Variants in CXCL13 observed in about 807,000 individuals in gnomAD.
CXCL13 encodes C-X-C motif chemokine ligand 13, also known as C-X-C motif chemokine 13.
Under a neutral mutation model 12.2 loss-of-function variants are expected in CXCL13, and 7 were observed. The ratio of observed to expected loss-of-function variants is 0.57; its 90% CI spans 0.33 to 1.07. The LOEUF is 1.07. Among genes scored for constraint, CXCL13 ranks in the 50% least tolerant of loss-of-function variants. The probability of loss-of-function intolerance (pLI) is 0.04; values close to 1 mark genes in which losing one functional copy is unlikely to be tolerated. For missense variants in CXCL13, 113 were observed against 127.4 expected (o/e 0.89, Z 0.55); for synonymous variants, 47 against 42.4 (o/e 1.11, Z -0.42).
At chr4:77,584,962 A>G (rs1028307978) in intron 1 of CXCL13, among the ~76,000 whole-genome samples, 7 of 152,198 alleles carry the variant, frequency 4.6e-5, no homozygotes, top group African/African-American at 1.7e-4. Context: ...TCTAGAGCCC[A>G]ATATATGCTC....
At chr4:77,514,354 A>G (rs1724355029) in intron 1 of CXCL13, among the ~76,000 whole-genome samples, 12 of 145,314 alleles carry the variant, frequency 8.3e-5, no homozygotes, top group Admixed American at 2.8e-4. Context: ...TGGTATTTCT[A>G]GTTCTAGATC....
chr4:77,596,610 C>A (rs1047472966), intron 1 of CXCL13, among the ~76,000 whole-genome samples: 5 of 151,770 alleles, frequency 3.3e-5, no homozygotes, highest in Non-Finnish European at 1.5e-5. Flanking sequence ...CATGGTGAAA[C>A]CCCATCTCTA....
chr4:77,569,540 A>G (rs1726014573), intron 1 of CXCL13, among the ~76,000 whole-genome samples: 1 of 152,130 alleles, frequency 6.6e-6, no homozygotes, highest in Non-Finnish European at 1.5e-5. Flanking sequence ...CATACTACAC[A>G]CACAGTACCT....
At chr4:77,574,392 G>T (rs563250610) in intron 1 of CXCL13, among the ~76,000 whole-genome samples, 1 of 151,752 alleles carries the variant, frequency 6.6e-6, no homozygotes, top group Non-Finnish European at 1.5e-5. Flanking sequence ...CAAAATCTAC[G>T]GCCGTCCTAT....
At chr4:77,589,581 G>A (rs1189237180) in intron 1 of CXCL13, among the ~76,000 whole-genome samples, 1 of 151,998 alleles carries the variant, frequency 6.6e-6, no homozygotes, top group Non-Finnish European at 1.5e-5. Context: ...GTACATATAG[G>A]GTTCTGTATT....
At chr4:77,564,072 T>A (rs1725872591) in intron 1 of CXCL13, among the ~76,000 whole-genome samples, 1 of 152,256 alleles carries the variant, frequency 6.6e-6, no homozygotes, top group Non-Finnish European at 1.5e-5. Context: ...CCCACATTTT[T>A]ATTTTGCACC....
chr4:77,516,146 C>A (rs1412055093), intron 1 of CXCL13, among the ~76,000 whole-genome samples: 4 of 152,166 alleles, frequency 2.6e-5, no homozygotes, highest in African/African-American at 4.8e-5. Context: ...ACTTGCATCC[C>A]AGAGATGAAG....
At chr4:77,574,075 G>A (rs927964147) in intron 1 of CXCL13, among the ~76,000 whole-genome samples, 3 of 151,948 alleles carry the variant, frequency 2.0e-5, no homozygotes, top group African/African-American at 7.3e-5. Context: ...CTGGTAATTA[G>A]AGATATAAAA....
upstream of CXCL13, among the ~76,000 whole-genome samples, chr4:77,604,364 G>A (rs545480095): frequency 6.6e-6 from 1 of 152,204 alleles, no homozygotes; most frequent in South Asian, 2.1e-4. Context: ...TCTATCGCAG[G>A]AGTTGTTCTG....
At chr4:77,517,582 G>C (rs1321408541) in intron 1 of CXCL13, among the ~76,000 whole-genome samples, 1 of 152,102 alleles carries the variant, frequency 6.6e-6, no homozygotes, top group African/African-American at 2.4e-5. Context: ...TGTCTCTTTT[G>C]ATCTTTGTTG....
chr4:77,564,256 G>A (rs1306901644), intron 1 of CXCL13, among the ~76,000 whole-genome samples: 1 of 152,148 alleles, frequency 6.6e-6, no homozygotes, highest in Non-Finnish European at 1.5e-5. Flanking sequence ...GAAACTTCTG[G>A]CAGTTATGAA....
intron 1 of CXCL13, among the ~76,000 whole-genome samples, chr4:77,531,466 C>T (rs1223336309): frequency 4.0e-5 from 6 of 151,796 alleles, no homozygotes; most frequent in Admixed American, 3.9e-4. Context: ...TTACTTCCAA[C>T]TATATGCTCA....
At chr4:77,596,898 G>A (rs537609420) in intron 1 of CXCL13, among the ~76,000 whole-genome samples, 1 of 152,130 alleles carries the variant, frequency 6.6e-6, no homozygotes, top group Non-Finnish European at 1.5e-5. Flanking sequence ...GCCAAGACGT[G>A]GGAATGACCT....
chr4:77,518,912 T>A (rs1251399885), intron 1 of CXCL13, among the ~76,000 whole-genome samples: 2 of 152,160 alleles, frequency 1.3e-5, no homozygotes, highest in Admixed American at 6.5e-5. Flanking sequence ...TTTTTCCCCA[T>A]CTTTGTGGTT....
rs1726067974 is a variant in CXCL13 at position 77,571,123 on chromosome 4, C to G, written c.-42-34701C>G. Among the ~76,000 whole-genome samples, 8 of 152,152 alleles carry G rather than the reference C, an allele frequency of 5.3e-5. No homozygotes were observed. The South Asian group carries it at 1.7e-3, about 32-fold the overall frequency. On this transcript the variant is annotated intron_variant, in intron 1 of 4. Coordinates refer to the CXCL13 transcript ENST00000286758. ...GATCCACTGGGTGAAGCCAGCTGGGCTCCTGAGTCTGGTGGGGATGCGGAG... is the reference window on the plus strand; with the variant it reads ...GATCCACTGGGTGAAGCCAGCTGGGGTCCTGAGTCTGGTGGGGATGCGGAG...
intron 1 of CXCL13, among the ~76,000 whole-genome samples, chr4:77,538,346 T>A (rs554510138): frequency 4.1e-4 from 63 of 152,102 alleles, no homozygotes; most frequent in South Asian, 3.7e-3. Context: ...GTTTTTTTTT[T>A]AATCAGTGAA....
chr4:77,553,900 A>G (rs1297333403), intron 1 of CXCL13, among the ~76,000 whole-genome samples: 2 of 152,194 alleles, frequency 1.3e-5, no homozygotes, highest in Non-Finnish European at 2.9e-5. Flanking sequence ...ACTATAGTTA[A>G]TAGCGTATTG....
intron 1 of CXCL13, among the ~76,000 whole-genome samples, chr4:77,598,376 A>G (rs1726813258): frequency 6.6e-6 from 1 of 152,190 alleles, no homozygotes; most frequent in Admixed American, 6.5e-5. Flanking sequence ...GCCATGAAAG[A>G]TAACCATTCC....
intron 1 of CXCL13, among the ~76,000 whole-genome samples, chr4:77,571,352 A>G (rs1726074898): frequency 6.6e-6 from 1 of 151,472 alleles, no homozygotes; most frequent in South Asian, 2.1e-4. Flanking sequence ...ACCAATCGAC[A>G]CTCTGTATCT....
Sources: gnomAD v4.1 joint callset for allele counts (sites outside exome capture counted in the v4.1 genomes callset) on GRCh38, gnomAD v4.1.1 for gene constraint, MANE v1.5 for transcripts, NCBI Gene and HGNC (gene_info 2026-07-23, HGNC 2026-07-21) for gene names.